The following DHX37 variants were observed in gnomAD, a reference collection of about 807,000 sequenced individuals.
DHX37 encodes DEAH-box helicase 37, also known as probable ATP-dependent RNA helicase DHX37.
A neutral mutation model predicts 134.3 loss-of-function variants in DHX37; 52 were observed. That is an observed-to-expected ratio of 0.39 (90% CI 0.31 to 0.49). DHX37 has a LOEUF of 0.49. DHX37 is among the 20% of genes least tolerant of loss of function. The pLI, the probability that DHX37 is intolerant of heterozygous loss-of-function variation, is 0.93. For missense variants in DHX37, 1,344 were observed against 1,580.8 expected (o/e 0.85, Z 2.54); for synonymous variants, 634 against 670.7 (o/e 0.95, Z 0.85).
chr12:124,985,670 C>A (rs1208342262), intron 2 of DHX37, among the ~76,000 whole-genome samples: 3 of 150,200 alleles, frequency 2.0e-5, no homozygotes, highest in Admixed American at 2.0e-4. Context: ...TCACTTGATA[C>A]CAGGAGAACC....
At chr12:124,963,571 C>T (rs910620994) in intron 15 of DHX37, among the ~76,000 whole-genome samples, 1 of 152,062 alleles carries the variant, frequency 6.6e-6, no homozygotes, top group African/African-American at 2.4e-5. Flanking sequence ...ACCTCAGTAG[C>T]AGAATAAAGA....
chr12:124,980,642 C>A lies in DHX37; in HGVS notation c.586G>T (p.Val196Leu). 1 of 1,605,926 alleles carries A rather than the reference C, an allele frequency of 6.2e-7. No individual in the cohort carries two copies. The highest frequency in any genetic ancestry group is 8.5e-7 in the Non-Finnish European group (1 of 1,178,558). ...GCTGGAGCTGGCGGCAGAGGTGCCA[C>A]GGTGGTCCCCACACCAGCCTCAGCC... is the stretch of plus-strand genomic sequence containing the variant. ...EPAEAGVGTT[V>L]APLPPAPAPS... The change falls in exon 4 of 27, where the codon GTG (valine) becomes TTG (leucine). Residue 196 changes from valine (V) to leucine (L), a missense_variant. Physicochemically the swap from Val to Leu is conservative, Grantham distance 32. Around this residue, in one of 7 missense-constraint regions of DHX37, gnomAD observed 319 missense variants for 296.1 expected, o/e 1.08. Coordinates refer to ENST00000308736, the MANE Select transcript of DHX37 (RefSeq NM_032656.4). The surrounding 1 kb of genome is among the most constrained non-coding windows in gnomAD (Gnocchi z 5.3).
intron 6 of DHX37, among the ~76,000 whole-genome samples, chr12:124,973,638 CTTT>C (rs71092252): frequency 1.9e-5 from 2 of 102,874 alleles, no homozygotes; most frequent in Non-Finnish European, 3.7e-5. Context: ...CCCCCCAACG[CTTT>C]TTTTTTTTTT....
intron 1 of DHX37, among the ~76,000 whole-genome samples, chr12:124,987,785 T>A (rs1954903279): frequency 6.6e-6 from 1 of 152,176 alleles, no homozygotes; most frequent in African/African-American, 2.4e-5. Flanking sequence ...TGGTTGAGCA[T>A]CCCTAATCTA....
Position 124,954,093 on chromosome 12 carries a change from G to C in DHX37, c.2572C>G (p.Leu858Val). ...CAACGGGCAGGGCACAAACCCAGCA[G>C]CACCATGAGGTCGCCGAGCTTCAGA... ...ASLKLGDLMV[L>V]LGAVGACEYA... Residue 858 changes from leucine (L) to valine (V), a missense_variant, in exon 19 of 27, where the codon CTG becomes GTG. By Grantham distance (32) the Leu-to-Val change is conservative. Coordinates refer to ENST00000308736, the MANE Select transcript of DHX37 (RefSeq NM_032656.4). 6.2e-7 allele frequency: 1 copy of C among 1,609,030 alleles called. No homozygotes were observed. Among genetic ancestry groups the C allele is most frequent in the South Asian group, 1.1e-5 (1 of 90,464 alleles).
chr12:124,976,337 T>A (rs1367231161), intron 5 of DHX37, among the ~76,000 whole-genome samples: 2 of 152,184 alleles, frequency 1.3e-5, no homozygotes, highest in African/African-American at 4.8e-5. Context: ...GAGTCCCCGG[T>A]CAATCACCGA....
intron 20 of DHX37, chr12:124,953,111 C>A (rs1024080292): frequency 6.6e-6 from 1 of 152,334 alleles, no homozygotes; most frequent in Non-Finnish European, 1.5e-5. Context: ...CTCTTCCTTG[C>A]AACAATAAAG....
rs1413109387 is a variant in DHX37 at position 124,964,390 on chromosome 12, C to A, written c.2045+4G>T. 6.2e-7 allele frequency: 1 copy of A among 1,612,702 alleles called. No individual in the cohort carries two copies. The highest frequency in any genetic ancestry group is 8.5e-7 in the Non-Finnish European group (1 of 1,179,774). ...GTCCCTGAGGAGGAGCCTGGGTGAC[C>A]CACCTGTAGCAGTGGCCGGGCTCCG... On this transcript the variant is annotated splice_donor_region_variant and intron_variant, in intron 15 of 26. Coordinates refer to ENST00000308736, the MANE Select transcript of DHX37 (RefSeq NM_032656.4).
chr12:124,971,215 G>C (rs1009719850), intron 8 of DHX37, 87 bp downstream of exon 8: 23 of 1,537,896 alleles, frequency 1.5e-5, no homozygotes, highest in Non-Finnish European at 2.0e-5. Context: ...GGGTACAACG[G>C]GGAACAGGTG....
At chr12:124,956,317 C>T (rs562200928) in intron 18 of DHX37, among the ~76,000 whole-genome samples, 1 of 152,302 alleles carries the variant, frequency 6.6e-6, no homozygotes, top group African/African-American at 2.4e-5. Context: ...CAGAAATGAC[C>T]CCTTTTATCA....
intron 21 of DHX37, 151 bp from the exon 22 acceptor site, chr12:124,950,955 C>G (rs1953967733): frequency 8.4e-7 from 1 of 1,193,768 alleles, no homozygotes; most frequent in Admixed American, 3.6e-5. Context: ...CATCCACACG[C>G]TGGAGTCTGA....
Position 124,953,885 on chromosome 12 carries a change from G to C in DHX37, c.2690C>G (p.Thr897Ser). 5 of 1,611,388 alleles carry C rather than the reference G, an allele frequency of 3.1e-6. No homozygotes were observed. Among genetic ancestry groups the C allele is most frequent in the South Asian group, 1.1e-5 (1 of 90,934 alleles). ...GTGCCGGCACGGGGCCGTACCTGCG[G>C]TGGTCAGCTGGCCCCGCAGGCGCCG... ...EIRRLRGQLT[T>S]AVNAVCPEAE... The change falls in exon 20 of 27, where the codon ACC becomes AGC. Residue 897 changes from threonine (T) to serine (S), a missense_variant. Thr to Ser is a moderately conservative substitution (Grantham distance 58, BLOSUM62 1). This residue lies in a region of DHX37 where 558 missense variants were observed against 650.0 expected (regional missense o/e 0.86). Coordinates refer to ENST00000308736, the MANE Select transcript of DHX37 (RefSeq NM_032656.4).
intron 3 of DHX37, among the ~76,000 whole-genome samples, chr12:124,982,100 G>C (rs1222185471): frequency 6.7e-6 from 1 of 149,972 alleles, no homozygotes; most frequent in Non-Finnish European, 1.5e-5. Flanking sequence ...TCCAGCCTGG[G>C]TGACAAAGCA....
In DHX37 at chr12:124,985,815, T is replaced by C. The variant is rs1594516166; in HGVS notation, c.276+281A>G. 3.6e-5 allele frequency among the ~76,000 whole-genome samples: 5 copies of C among 138,956 alleles called. 1 individual carries two copies. The highest frequency in any genetic ancestry group is 7.9e-5 in the Non-Finnish European group (5 of 63,278). The allele number at this position is 138,956 out of a possible 152,430, so 91.2% of individuals were successfully genotyped here. On this transcript the variant is annotated intron_variant, in intron 2 of 26. Transcript: ENST00000308736. ...GAACAAAACAAAAAAGAAAAAAAAATTAAATTTAAATTAAAAAAAAAAAAA... is the reference window on the plus strand; with the variant it reads ...GAACAAAACAAAAAAGAAAAAAAAACTAAATTTAAATTAAAAAAAAAAAAA...
At chr12:124,953,644 C>A in intron 20 of DHX37, 1 of 660,770 alleles carries the variant, frequency 1.5e-6, no homozygotes, top group African/African-American at 1.8e-5. Flanking sequence ...TGAAACCGAG[C>A]GACGACCTGG....
rs766672697 is a variant in DHX37, at chr12:124,968,877, G to A, written c.1283C>T (p.Pro428Leu). ...QNPRLFAKPP[P>L]VIKVESRQFP... is the part of the protein sequence containing the mutation. Reference sequence around the variant, plus strand: ...GGGACCCTGTGTTACCTTGATGACCGGCGGCGGCTTGGCGAAGAGCCGTGG... The same window carrying A: ...GGGACCCTGTGTTACCTTGATGACCAGCGGCGGCTTGGCGAAGAGCCGTGG... Residue 428 changes from proline (P) to leucine (L), a missense_variant, in exon 9 of 27, where the codon CCG becomes CTG. Coordinates refer to ENST00000308736, the MANE Select transcript of DHX37 (RefSeq NM_032656.4). 1.4e-5 allele frequency: 23 copies of A among 1,614,080 alleles called. No homozygotes were observed. The East Asian group carries it at 2.2e-4, about 16-fold the overall frequency.
chr12:124,947,965 A>T, intron 26 of DHX37, 78 bp from the exon 27 acceptor site: 1 of 1,611,904 alleles, frequency 6.2e-7, no homozygotes, highest in Non-Finnish European at 8.5e-7. Context: ...AAAGCTGGCC[A>T]GCAGCCGTGG....
chr12:124,986,580 G>A (rs1349696511), intron 1 of DHX37, among the ~76,000 whole-genome samples: 4 of 151,650 alleles, frequency 2.6e-5, no homozygotes, highest in Admixed American at 1.3e-4. Context: ...GTGTGGTGGT[G>A]GGTGCCTGCA....
At chr12:124,981,570 G>A (rs1477007643) in intron 3 of DHX37, among the ~76,000 whole-genome samples, 1 of 152,090 alleles carries the variant, frequency 6.6e-6, no homozygotes, top group Admixed American at 6.5e-5. Context: ...GAGTAGCTGA[G>A]ACCACAGGCA....
Sources: allele counts gnomAD v4.1 joint callset (sites outside exome capture counted in the v4.1 genomes callset), GRCh38; gene constraint gnomAD v4.1.1; regional missense constraint gnomAD v4.1.1; non-coding constraint Gnocchi (gnomAD v3.1); transcripts MANE v1.5; gene names NCBI Gene and HGNC (gene_info 2026-07-23, HGNC 2026-07-21).